MALRD1: variants seen among roughly 807,000 people sequenced by gnomAD.
MALRD1 encodes MAM and LDL receptor class A domain containing 1.
A neutral mutation model predicts 242.1 loss-of-function variants in MALRD1; 247 were observed. The observed-to-expected ratio is 1.02, with a 90% CI of 0.92 to 1.13. The LOEUF is 1.13. Ranked by LOEUF, MALRD1 falls within the 50% of genes most tolerant of loss-of-function variation. MALRD1 has a pLI of 0.00. For synonymous variants in MALRD1, 995 were observed against 866.6 expected (o/e 1.15, Z -2.60); for missense variants, 2,989 against 2,533.1 (o/e 1.18, Z -3.86).
intron 11 of MALRD1, among the ~76,000 whole-genome samples, chr10:19,152,285 A>T (rs899297302): frequency 6.6e-6 from 1 of 152,200 alleles, no homozygotes; most frequent in Non-Finnish European, 1.5e-5. Flanking sequence ...TGTTCCTAGA[A>T]GTCCCTGGGC....
intron 32 of MALRD1, among the ~76,000 whole-genome samples, chr10:19,547,820 T>TATATATATATATATA (rs1564431955): frequency 3.8e-4 from 6 of 15,814 alleles, no homozygotes; most frequent in Non-Finnish European, 7.0e-4. Context: ...ATATATATAT[T>TATATATATATATATA]TTTTTTTTTT....
chr10:19,321,581 A>G (rs1228622947), intron 21 of MALRD1, among the ~76,000 whole-genome samples: 1 of 152,216 alleles, frequency 6.6e-6, no homozygotes, highest in South Asian at 2.1e-4. Context: ...TAATCAGCAT[A>G]CCTGGGATAT....
chr10:19,277,842 A>G (rs542288152), intron 19 of MALRD1, among the ~76,000 whole-genome samples: 7 of 152,206 alleles, frequency 4.6e-5, no homozygotes, highest in Non-Finnish European at 8.8e-5. Context: ...GATACTGGAC[A>G]TTTAATATTG....
chr10:19,494,588 T>A (rs1471295840), intron 30 of MALRD1, among the ~76,000 whole-genome samples: 1 of 152,050 alleles, frequency 6.6e-6, no homozygotes, highest in Non-Finnish European at 1.5e-5. Flanking sequence ...ATAACGTAAT[T>A]CACCTAATGG....
chr10:19,429,604 C>G (rs182276431), intron 28 of MALRD1, among the ~76,000 whole-genome samples: 1 of 152,068 alleles, frequency 6.6e-6, no homozygotes, highest in African/African-American at 2.4e-5. Context: ...ACTTGGTACT[C>G]AGAGCCTGTG....
intron 19 of MALRD1, among the ~76,000 whole-genome samples, chr10:19,279,352 G>A (rs1481891502): frequency 6.6e-6 from 1 of 152,184 alleles, no homozygotes; most frequent in Non-Finnish European, 1.5e-5. Flanking sequence ...CTGGGACTTG[G>A]TGATCATTCT....
chr10:19,560,168 A>G (rs982647363), intron 32 of MALRD1, among the ~76,000 whole-genome samples: 3 of 152,308 alleles, frequency 2.0e-5, no homozygotes, highest in South Asian at 2.1e-4. Flanking sequence ...AAATCATTCT[A>G]CTTTAAAGAC....
intron 12 of MALRD1, among the ~76,000 whole-genome samples, chr10:19,158,878 T>C (rs1834277836): frequency 6.6e-6 from 1 of 152,226 alleles, no homozygotes. Context: ...AGTAGGACAA[T>C]GAACTGGAGT....
chr10:19,604,250 C>G (rs1241754120), intron 34 of MALRD1, among the ~76,000 whole-genome samples: 1 of 152,132 alleles, frequency 6.6e-6, no homozygotes, highest in Non-Finnish European at 1.5e-5. Context: ...AAAGTTTTGA[C>G]ATATGTCTGC....
At chr10:19,385,831 G>A (rs1418125753) in intron 26 of MALRD1, among the ~76,000 whole-genome samples, 4 of 151,930 alleles carry the variant, frequency 2.6e-5, no homozygotes, top group African/African-American at 4.8e-5. Context: ...GTTTATTTAA[G>A]ATCTTTCTTT....
At chr10:19,376,866 C>T (rs920170238) in intron 26 of MALRD1, among the ~76,000 whole-genome samples, 1 of 152,026 alleles carries the variant, frequency 6.6e-6, no homozygotes, top group Non-Finnish European at 1.5e-5. Flanking sequence ...TTCTAGTTCA[C>T]CTTAATATCC....
chr10:19,589,967 T>C (rs1416138702), intron 33 of MALRD1, among the ~76,000 whole-genome samples: 1 of 152,170 alleles, frequency 6.6e-6, no homozygotes, highest in East Asian at 1.9e-4. Flanking sequence ...CTAACTACTG[T>C]CAGGACCGAC....
At chr10:19,666,364 C>A (rs188823364) in intron 36 of MALRD1, among the ~76,000 whole-genome samples, 6 of 152,160 alleles carry the variant, frequency 3.9e-5, no homozygotes, top group African/African-American at 1.4e-4. Context: ...TCACCTACAG[C>A]TATAGTATTT....
intron 5 of MALRD1, among the ~76,000 whole-genome samples, chr10:19,105,943 A>G (rs1836447258): frequency 1.3e-5 from 2 of 151,942 alleles, no homozygotes; most frequent in Non-Finnish European, 2.9e-5. Context: ...ACAGTTTGCA[A>G]ACATTGCCTC....
At chr10:19,490,402 A>C (rs1837429745) in intron 29 of MALRD1, among the ~76,000 whole-genome samples, 1 of 151,168 alleles carries the variant, frequency 6.6e-6, no homozygotes, top group Admixed American at 6.6e-5. Flanking sequence ...AATCTGGAAC[A>C]ATGTTTTCTG....
rs77248686 is a variant in MALRD1, at chr10:19,601,289, A to T, written c.5944+5832A>T. Among the ~76,000 whole-genome samples, 162 of 152,190 alleles carry T rather than the reference A, an allele frequency of 1.1e-3. 1 individual carries two copies. In the East Asian group the frequency reaches 0.027, roughly 25 times the overall value. On this transcript the variant is annotated intron_variant, in intron 34 of 39. Transcript: ENST00000454679. ...GAAACCTAAGTTTTCCATGAATTTT[A>T]TGTGTGAATTTTTTGGCTTAATTTT...
chr10:19,634,555 C>T lies in MALRD1; in HGVS notation c.6137+18632C>T, dbSNP rs77578722. On this transcript the variant is annotated intron_variant, in intron 36 of 39. Transcript: ENST00000454679. ...ATGGATTTCTATTTTAAATTGTATT[C>T]GAAAAGTCATGCTTGCGGAATATGG... 9.3e-3 allele frequency among the ~76,000 whole-genome samples: 1,418 copies of T among 152,044 alleles called. 19 individuals carry two copies. Among genetic ancestry groups the T allele is most frequent in the African/African-American group, 0.032 (1,330 of 41,488 alleles).
intron 29 of MALRD1, among the ~76,000 whole-genome samples, chr10:19,453,489 T>C (rs1835439128): frequency 6.6e-6 from 1 of 152,202 alleles, no homozygotes; most frequent in Non-Finnish European, 1.5e-5. Context: ...AAATGTTATA[T>C]GGCTAAACTT....
chr10:19,380,526 CTT>C (rs1380016476), intron 26 of MALRD1, among the ~76,000 whole-genome samples: 3 of 151,960 alleles, frequency 2.0e-5, no homozygotes, highest in East Asian at 3.9e-4. Flanking sequence ...CTTTTTCTCT[CTT>C]AAGTAAAATC....
Sources: allele counts gnomAD v4.1 joint callset (sites outside exome capture counted in the v4.1 genomes callset), GRCh38; gene constraint gnomAD v4.1.1; transcripts MANE v1.5; gene names NCBI Gene and HGNC (gene_info 2026-07-23, HGNC 2026-07-21).